KTN1: variants seen among roughly 807,000 people sequenced by gnomAD.
KTN1 encodes the protein kinectin.
In KTN1, 130 loss-of-function variants were observed where a neutral mutation model predicts 222.5. The observed-to-expected ratio is 0.58, with a 90% CI of 0.51 to 0.68. The LOEUF is 0.68. Among genes scored for constraint, KTN1 ranks in the 30% least tolerant of loss-of-function variants. KTN1 has a pLI of 0.00. For synonymous variants in KTN1, 512 were observed against 496.3 expected, an observed-to-expected ratio of 1.03 and a Z score of -0.42; for missense variants, 1,508 against 1,500.4, an observed-to-expected ratio of 1.01 and a Z score of -0.08.
Position 55,597,565 on chromosome 14 carries a change from T to G in KTN1, c.-30-14454T>G, listed in dbSNP as rs115964543. Among the ~76,000 whole-genome samples the G allele has an allele frequency of 2.8e-3, 425 of 152,232 alleles. 2 individuals carry two copies. Among genetic ancestry groups the G allele is most frequent in the African/African-American group, 9.6e-3 (399 of 41,532 alleles). On this transcript the variant is annotated intron_variant, in intron 1 of 43. Coordinates refer to ENST00000395314, the MANE Select transcript of KTN1 (RefSeq NM_001079521.2). Reference sequence around the variant, plus strand: ...TGGAATATGAACATTAAAATTGAAATGTAGAAGGGCTGGCATGGTGGTTCA... The same window carrying G: ...TGGAATATGAACATTAAAATTGAAAGGTAGAAGGGCTGGCATGGTGGTTCA...
intron 34 of KTN1, chr14:55,668,536 G>T (rs550296072): frequency 5.9e-5 from 9 of 152,156 alleles, no homozygotes; most frequent in African/African-American, 2.2e-4. Flanking sequence ...TCAGTATTTT[G>T]GGGGTAGGGT....
chr14:55,626,804 A>G (rs2039888222), intron 5 of KTN1, among the ~76,000 whole-genome samples: 1 of 151,900 alleles, frequency 6.6e-6, no homozygotes, highest in South Asian at 2.1e-4. Context: ...TGACTGCCTC[A>G]CTGGCTAGTT....
intron 32 of KTN1, among the ~76,000 whole-genome samples, chr14:55,662,434 A>G (rs2044253015): frequency 1.3e-5 from 2 of 152,190 alleles, no homozygotes; most frequent in African/African-American, 4.8e-5. Context: ...TAGAGGCTTT[A>G]GAACCTGACT....
intron 43 of KTN1, chr14:55,680,741 GGTCA>G (rs2046297897): frequency 1.5e-6 from 2 of 1,354,844 alleles, no homozygotes; most frequent in Non-Finnish European, 9.9e-7. Flanking sequence ...TGCTAATTCA[GGTCA>G]GTTATCTCTA....
chr14:55,642,730 T>A (rs575500768), intron 18 of KTN1, among the ~76,000 whole-genome samples: 1 of 152,144 alleles, frequency 6.6e-6, no homozygotes, highest in African/African-American at 2.4e-5. Context: ...TCTGGAAGTA[T>A]TTTGTTAACT....
At chr14:55,644,800 A>G (rs745968147) in intron 18 of KTN1, among the ~76,000 whole-genome samples, 2 of 152,154 alleles carry the variant, frequency 1.3e-5, no homozygotes, top group African/African-American at 2.4e-5. Flanking sequence ...GATTAAACCA[A>G]TAAAGTATGA....
Position 55,648,114 on chromosome 14 carries a change from A to C in KTN1, c.2297A>C (p.Asn766Thr). 6.7e-7 allele frequency: 1 copy of C among 1,490,800 alleles called. No individual in the cohort carries two copies. 92.3% of individuals were successfully genotyped at this position (1,490,800 alleles called of 1,614,324 possible). ...GTGGCAACTAAAGAAGAGGAGCTGAATGTAAAGCATTTTGTAGTTTTGTTT... is the reference window on the plus strand; with the variant it reads ...GTGGCAACTAAAGAAGAGGAGCTGACTGTAAAGCATTTTGTAGTTTTGTTT... The part of the protein sequence containing the change: ...IQVATKEEEL[N>T]AIRTENSSLT... The change falls in exon 20 of 44, where the codon AAT (asparagine) becomes ACT (threonine). Residue 766 changes from asparagine to threonine, a missense_variant and splice_region_variant. Asn to Thr is a moderately conservative substitution (Grantham distance 65, BLOSUM62 0). Transcript: ENST00000395314.
At chr14:55,581,143 T>G (rs1204602701) in intron 1 of KTN1, among the ~76,000 whole-genome samples, 1 of 152,182 alleles carries the variant, frequency 6.6e-6, no homozygotes, top group East Asian at 1.9e-4. Context: ...GCGGGAAGTC[T>G]AGAGAAGTCG....
intron 7 of KTN1, among the ~76,000 whole-genome samples, 162 bp from the exon 8 acceptor site, chr14:55,633,073 C>T (rs1438405335): frequency 3.3e-5 from 5 of 152,116 alleles, no homozygotes; most frequent in Admixed American, 2.0e-4. Context: ...TCATCACTAA[C>T]AAAATATAAT....
At chr14:55,655,406 G>C (rs1409856803) in intron 28 of KTN1, among the ~76,000 whole-genome samples, 1 of 152,088 alleles carries the variant, frequency 6.6e-6, no homozygotes, top group Non-Finnish European at 1.5e-5. Flanking sequence ...TGAAATTCTG[G>C]ATCAAGGTGT....
intron 42 of KTN1, chr14:55,679,304 T>C (rs2046163030): frequency 2.9e-6 from 1 of 344,790 alleles, no homozygotes; most frequent in East Asian, 5.3e-5. Flanking sequence ...ATTTCTGATA[T>C]TCATAGATTC....
intron 1 of KTN1, among the ~76,000 whole-genome samples, chr14:55,596,109 C>T (rs544917984): frequency 1.4e-5 from 2 of 140,504 alleles, no homozygotes; most frequent in Non-Finnish European, 3.0e-5. Flanking sequence ...GAGCTGAGAT[C>T]GTGCCACTGC....
intron 7 of KTN1, 37 bp from the exon 8 acceptor site, chr14:55,633,198 T>A: frequency 8.2e-7 from 1 of 1,220,952 alleles, no homozygotes; most frequent in South Asian, 1.6e-5. Flanking sequence ...TTGACAGTCT[T>A]TGTTTTCTAA....
chr14:55,593,442 C>T (rs1173612729), intron 1 of KTN1, among the ~76,000 whole-genome samples: 2 of 141,072 alleles, frequency 1.4e-5, no homozygotes, highest in Admixed American at 7.1e-5. Context: ...AGACACCCCC[C>T]CCCCAAAAAA....
chr14:55,652,784 C>T, intron 25 of KTN1, 66 bp from the exon 26 acceptor site: 1 of 1,077,380 alleles, frequency 9.3e-7, no homozygotes, highest in Non-Finnish European at 1.4e-6. Flanking sequence ...TTTTCAGTGT[C>T]TAAGATTTTT....
rs183028201 is a variant in KTN1, at chr14:55,611,935, G to C, written c.-30-84G>C. On this transcript the variant is annotated intron_variant, in intron 1 of 43. Coordinates refer to ENST00000395314, the MANE Select transcript of KTN1 (RefSeq NM_001079521.2). Reference sequence around the variant, plus strand: ...TCAGGTTAGATTTGAAATGCCACTTGAAAGAGCAGCAGTTTTGACTTTAAT... The same window carrying C: ...TCAGGTTAGATTTGAAATGCCACTTCAAAGAGCAGCAGTTTTGACTTTAAT... 7 of 556,954 alleles carry C rather than the reference G, an allele frequency of 1.3e-5. No homozygotes were observed. The Admixed American group carries it at 1.8e-4, about 15-fold the overall frequency. 34.5% of individuals were successfully genotyped at this position (556,954 alleles called of 1,614,324 possible).
intron 43 of KTN1, chr14:55,683,706 TAA>T (rs5808818): frequency 0.32 from 48,421 of 151,308 alleles, 7,321 homozygotes; most frequent in African/African-American, 0.35. Context: ...TCATATGACC[TAA>T]AAAAAAAAAA....
intron 32 of KTN1, chr14:55,663,145 A>G (rs748192841): frequency 2.8e-5 from 9 of 323,096 alleles, no homozygotes; most frequent in African/African-American, 6.5e-5. Context: ...TGAACTGCCA[A>G]GTACAGTGGT....
At chr14:55,618,204 A>G (rs1402395784) in intron 4 of KTN1, 70 bp downstream of exon 4, 1 of 1,147,594 alleles carries the variant, frequency 8.7e-7, no homozygotes, top group Non-Finnish European at 1.2e-6. Context: ...GGAGTCATAG[A>G]TTTCATTTTC....
Sources: allele counts gnomAD v4.1 joint callset (sites outside exome capture counted in the v4.1 genomes callset), GRCh38; gene constraint gnomAD v4.1.1; transcripts MANE v1.5; gene names NCBI Gene and HGNC (gene_info 2026-07-23, HGNC 2026-07-21).